The following XKR6 variants were observed in gnomAD, a reference collection of about 807,000 sequenced individuals.
XKR6 encodes XK related 6.
Under a neutral mutation model 56.7 loss-of-function variants are expected in XKR6, and 22 were observed. The ratio of observed to expected loss-of-function variants is 0.39; its 90% CI spans 0.28 to 0.55. The LOEUF is 0.55. XKR6 is among the 20% of genes least tolerant of loss of function. The pLI, the probability that XKR6 is intolerant of heterozygous loss-of-function variation, is 0.66. For missense variants in XKR6, 852 were observed against 889.0 expected, an observed-to-expected ratio of 0.96 and a Z score of 0.53; for synonymous variants, 524 against 387.8, an observed-to-expected ratio of 1.35 and a Z score of -4.13.
intron 1 of XKR6, among the ~76,000 whole-genome samples, chr8:11,185,733 A>G (rs990554893): frequency 6.6e-6 from 1 of 152,212 alleles, no homozygotes; most frequent in African/African-American, 2.4e-5. Flanking sequence ...AACACTGATG[A>G]GTCTTGGGCA....
intron 1 of XKR6, among the ~76,000 whole-genome samples, chr8:11,162,142 G>T (rs1012470328): frequency 6.6e-6 from 1 of 152,294 alleles, no homozygotes; most frequent in South Asian, 2.1e-4. Flanking sequence ...CCACCTAATT[G>T]TAAAAGGAAG....
intron 1 of XKR6, among the ~76,000 whole-genome samples, chr8:10,958,539 G>T (rs775107330): frequency 6.6e-6 from 1 of 152,130 alleles, no homozygotes; most frequent in Non-Finnish European, 1.5e-5. Flanking sequence ...TTCATCACCC[G>T]AGACATGGCA....
intron 1 of XKR6, among the ~76,000 whole-genome samples, chr8:11,099,553 A>T (rs573780867): frequency 6.6e-6 from 1 of 152,240 alleles, no homozygotes; most frequent in Non-Finnish European, 1.5e-5. Context: ...TTTTTTTCAT[A>T]ACTCCTTTAC....
chr8:11,023,174 G>A (rs1404132583), intron 1 of XKR6, among the ~76,000 whole-genome samples: 1 of 152,074 alleles, frequency 6.6e-6, no homozygotes, highest in Non-Finnish European at 1.5e-5. Context: ...GCTGGGGAGG[G>A]CCCTCCCTCC....
At chr8:10,926,253 G>T (rs912932701) in intron 1 of XKR6, among the ~76,000 whole-genome samples, 8 of 152,134 alleles carry the variant, frequency 5.3e-5, no homozygotes, top group Admixed American at 2.0e-4. Context: ...TTGCCTGGAG[G>T]GATGCTGGAG....
intron 1 of XKR6, among the ~76,000 whole-genome samples, chr8:10,966,177 C>T (rs1367736386): frequency 6.6e-6 from 1 of 152,174 alleles, no homozygotes; most frequent in Non-Finnish European, 1.5e-5. Context: ...ATTGCTGAAA[C>T]ACTGACTAAG....
intron 1 of XKR6, among the ~76,000 whole-genome samples, chr8:10,997,213 G>T (rs1798133829): frequency 6.6e-6 from 1 of 152,148 alleles, no homozygotes; most frequent in South Asian, 2.1e-4. Flanking sequence ...AGAGCACCAA[G>T]TTCATGCCAG....
At chr8:10,984,702 C>CTG (rs1797814414) in intron 1 of XKR6, among the ~76,000 whole-genome samples, 1 of 66,886 alleles carries the variant, frequency 1.5e-5, no homozygotes, top group Non-Finnish European at 3.0e-5. Flanking sequence ...ATGGCTCTCT[C>CTG]TCTCTCTCTC....
chr8:11,148,404 C>G (rs1009581320), intron 1 of XKR6, among the ~76,000 whole-genome samples: 1 of 152,122 alleles, frequency 6.6e-6, no homozygotes, highest in African/African-American at 2.4e-5. Context: ...GAAGAGGGGC[C>G]TCAGAGGAAA....
At chr8:10,923,340 C>G (rs1320786314) in intron 2 of XKR6, among the ~76,000 whole-genome samples, 1 of 152,122 alleles carries the variant, frequency 6.6e-6, no homozygotes, top group African/African-American at 2.4e-5. Flanking sequence ...TACCCTGGGG[C>G]CCCTTTTTCT....
intron 1 of XKR6, among the ~76,000 whole-genome samples, chr8:11,000,578 G>A (rs779780981): frequency 5.3e-5 from 8 of 152,258 alleles, no homozygotes; most frequent in Non-Finnish European, 1.0e-4. Context: ...CCAGCTACTC[G>A]GGAGGCTGAG....
chr8:10,911,857 T>C (rs1800381590), intron 2 of XKR6, among the ~76,000 whole-genome samples: 1 of 150,590 alleles, frequency 6.6e-6, no homozygotes. Context: ...GGTGTGTGTA[T>C]ACGTGTTTGT....
chr8:11,107,031 AG>A (rs1798704710), intron 1 of XKR6, among the ~76,000 whole-genome samples: 1 of 151,964 alleles, frequency 6.6e-6, no homozygotes, highest in Non-Finnish European at 1.5e-5. Flanking sequence ...CCATCCCCAG[AG>A]CAAAACATGA....
chr8:11,191,804 C>A (rs1171835509), intron 1 of XKR6, among the ~76,000 whole-genome samples: 1 of 151,898 alleles, frequency 6.6e-6, no homozygotes. Context: ...AACCCACAAG[C>A]AAATTTGCTG....
chr8:11,184,015 G>A lies in XKR6; in HGVS notation c.764+16561C>T, dbSNP rs566933973. Among the ~76,000 whole-genome samples, 118 of 152,122 alleles carry A rather than the reference G, an allele frequency of 7.8e-4. 1 individual carries two copies. The Middle Eastern group carries it at 0.01, about 13-fold the overall frequency. On this transcript the variant is annotated intron_variant, in intron 1 of 2. Coordinates refer to ENST00000416569, the MANE Select transcript of XKR6 (RefSeq NM_173683.4). ...TCCACTGTAAGGGCAAGACTGAGCC[G>A]GCACCAGATAATATAAGCAAATATA...
intron 1 of XKR6, among the ~76,000 whole-genome samples, chr8:10,942,568 C>T (rs529639580): frequency 5.3e-5 from 8 of 152,356 alleles, no homozygotes; most frequent in Non-Finnish European, 8.8e-5. Context: ...GCCAAACTCA[C>T]ATTCAGCTGT....
intron 1 of XKR6, among the ~76,000 whole-genome samples, chr8:11,037,785 A>T (rs1799183129): frequency 6.6e-6 from 1 of 151,780 alleles, no homozygotes; most frequent in Non-Finnish European, 1.5e-5. Flanking sequence ...TTGAACCCAG[A>T]AGGCAGAGCT....
intron 1 of XKR6, among the ~76,000 whole-genome samples, chr8:11,133,222 C>T (rs533904885): frequency 6.6e-6 from 1 of 152,152 alleles, no homozygotes; most frequent in Non-Finnish European, 1.5e-5. Context: ...AAAACATGAT[C>T]ATTGCTCTGT....
intron 1 of XKR6, among the ~76,000 whole-genome samples, chr8:10,992,054 CG>C (rs1324108047): frequency 6.6e-6 from 1 of 152,196 alleles, no homozygotes; most frequent in Non-Finnish European, 1.5e-5. Flanking sequence ...CAGACCTGGC[CG>C]TGAGTCCTGC....
Sources: gnomAD v4.1 joint callset for allele counts (sites outside exome capture counted in the v4.1 genomes callset) on GRCh38, gnomAD v4.1.1 for gene constraint, MANE v1.5 for transcripts, NCBI Gene and HGNC (gene_info 2026-07-23, HGNC 2026-07-21) for gene names.